TMEM114: variants seen among roughly 807,000 people sequenced by gnomAD.
TMEM114 encodes transmembrane protein 114.
In TMEM114, 6 loss-of-function variants were observed where a neutral mutation model predicts 6.2. That is an observed-to-expected ratio of 0.97 (90% confidence interval 0.53 to 1.91). The LOEUF is 1.91. TMEM114 is among the 40% of genes most tolerant of loss of function. The probability of loss-of-function intolerance (pLI) is 0.01; values close to 1 mark genes in which losing one functional copy is unlikely to be tolerated. For synonymous variants in TMEM114, 104 were observed against 73.0 expected (o/e 1.42, Z -2.16); for missense variants, 218 against 158.3 (o/e 1.38, Z -2.02).
intron 2 of TMEM114, among the ~76,000 whole-genome samples, chr16:8,588,923 T>C (rs1902398143): frequency 6.6e-6 from 1 of 152,228 alleles, no homozygotes; most frequent in Non-Finnish European, 1.5e-5. Context: ...CCAGCACCAC[T>C]GTGAGCCCCT....
intron 2 of TMEM114, among the ~76,000 whole-genome samples, chr16:8,547,463 G>A (rs147322209): frequency 0.02 from 2,957 of 149,906 alleles, 126 homozygotes; most frequent in East Asian, 0.15. Flanking sequence ...TGCAATTTCA[G>A]CTCACTACAA....
chr16:8,532,500 C>T, the TMEM114 span, among the ~76,000 whole-genome samples: 1 of 152,100 alleles, frequency 6.6e-6, no homozygotes, highest in Non-Finnish European at 1.5e-5. Flanking sequence ...TATCCAAGGC[C>T]ATGAAAGGTG....
chr16:8,585,494 G>A (rs796335965), intron 2 of TMEM114, among the ~76,000 whole-genome samples: 48 of 152,150 alleles, frequency 3.2e-4, no homozygotes, highest in Non-Finnish European at 8.8e-5. Flanking sequence ...GCTGCTTGTC[G>A]AACGTGCTGC....
the TMEM114 span, among the ~76,000 whole-genome samples, chr16:8,530,759 C>G: frequency 6.6e-6 from 1 of 151,990 alleles, no homozygotes; most frequent in Non-Finnish European, 1.5e-5. Context: ...CATTGTGGCT[C>G]ATGCTCATAA....
chr16:8,571,790 A>G (rs1901743262), intron 3 of TMEM114, among the ~76,000 whole-genome samples: 1 of 152,188 alleles, frequency 6.6e-6, no homozygotes, highest in African/African-American at 2.4e-5. Context: ...GCCAGCTCAC[A>G]GCCCTAAAGC....
chr16:8,539,181 G>A (rs1900447466), intron 2 of TMEM114, among the ~76,000 whole-genome samples: 1 of 152,128 alleles, frequency 6.6e-6, no homozygotes, highest in African/African-American at 2.4e-5. Context: ...TCTGCCTGGT[G>A]TGCGGTGCTG....
chr16:8,558,040 T>G (rs8053885), intron 2 of TMEM114, among the ~76,000 whole-genome samples: 56,324 of 151,638 alleles, frequency 0.37, 11,076 homozygotes, highest in East Asian at 0.52. Context: ...GATCACCTGA[T>G]GTCAGGAGCT....
intron 2 of TMEM114, among the ~76,000 whole-genome samples, chr16:8,552,856 T>C (rs1330396605): frequency 6.6e-6 from 1 of 152,194 alleles, no homozygotes; most frequent in Non-Finnish European, 1.5e-5. Flanking sequence ...CCTTGATCCT[T>C]GGGCTTAACA....
intron 2 of TMEM114, among the ~76,000 whole-genome samples, chr16:8,546,075 A>T (rs1244722947): frequency 6.6e-6 from 1 of 152,180 alleles, no homozygotes; most frequent in Non-Finnish European, 1.5e-5. Flanking sequence ...TGATCATGTC[A>T]CTGCACTCCA....
At chr16:8,552,611 G>A (rs1430385268) in intron 2 of TMEM114, among the ~76,000 whole-genome samples, 3 of 151,722 alleles carry the variant, frequency 2.0e-5, no homozygotes, top group Non-Finnish European at 4.4e-5. Flanking sequence ...TATGTAGGAT[G>A]TCACCACTGG....
rs1049277828 is a variant in TMEM114, at chr16:8,569,741, C to T, written c.*32G>A. Reference sequence around the variant, plus strand: ...GTCGGTGAAGCTCCGGGGCCAAGCCCCTCCCTCCCCTCCACGACCCAGCGC... The same window carrying T: ...GTCGGTGAAGCTCCGGGGCCAAGCCTCTCCCTCCCCTCCACGACCCAGCGC... On this transcript the variant is annotated 3_prime_UTR_variant, in exon 4 of 4. Transcript: ENST00000620492. The T allele has an allele frequency of 1.3e-6, 2 of 1,527,892 alleles. No homozygotes were observed. The highest frequency in any genetic ancestry group is 4.0e-5 in the Admixed American group (2 of 49,548). The allele number at this position is 1,527,892 out of a possible 1,614,324, so 94.6% of individuals were successfully genotyped here.
Position 8,572,199 on chromosome 16 carries a change from C to T in TMEM114, c.327G>A (p.Leu109=). The T allele has an allele frequency of 1.3e-6, 2 of 1,551,652 alleles. No homozygotes were observed. The highest frequency in any genetic ancestry group is 1.7e-6 in the Non-Finnish European group (2 of 1,146,982). The part of the protein sequence containing the change: ...LLTMHGTFVI[L]LPLSLILMVF... ...CCATCAGGATCAGGCTGAGCGGCAG[C>T]AGAATCACAAATGTCCCATGCATGG... The change falls in exon 3 of 4, where the codon CTG becomes CTA. Residue 109 remains leucine, a synonymous_variant. Transcript: ENST00000620492.
intron 2 of TMEM114, among the ~76,000 whole-genome samples, chr16:8,564,222 T>C (rs141054589): frequency 5.5e-5 from 3 of 54,344 alleles, no homozygotes; most frequent in African/African-American, 2.1e-4. Flanking sequence ...AGTGAGTTAG[T>C]GAATGAGTGA....
In TMEM114 at chr16:8,569,559, C is replaced by G. The variant is rs1015690516; in HGVS notation, c.*214G>C. 12 of 1,417,890 alleles carry G rather than the reference C, an allele frequency of 8.5e-6. No individual in the cohort carries two copies. Among genetic ancestry groups the G allele is most frequent in the African/African-American group, 1.4e-5 (1 of 69,424 alleles). The allele number at this position is 1,417,890 out of a possible 1,614,324, so 87.8% of individuals were successfully genotyped here. On this transcript the variant is annotated 3_prime_UTR_variant, in exon 4 of 4. Coordinates refer to ENST00000620492, the MANE Select transcript of TMEM114 (RefSeq NM_001146336.2). ...CGGTTTGGCACTCCCTCGGGCTCCTCCAGGCCACACGGACACACACGGACA... is the reference window on the plus strand; with the variant it reads ...CGGTTTGGCACTCCCTCGGGCTCCTGCAGGCCACACGGACACACACGGACA...
chr16:8,571,067 C>T (rs1901718692), intron 3 of TMEM114, among the ~76,000 whole-genome samples: 1 of 151,458 alleles, frequency 6.6e-6, no homozygotes, highest in Non-Finnish European at 1.5e-5. Flanking sequence ...TCCAGACATC[C>T]CTTTTGTTTT....
At chr16:8,552,131 T>G (rs867108784) in intron 2 of TMEM114, among the ~76,000 whole-genome samples, 31 of 151,848 alleles carry the variant, frequency 2.0e-4, no homozygotes, top group African/African-American at 6.5e-4. Context: ...TCCCAGCACT[T>G]TGGGAGGCTG....
intron 2 of TMEM114, among the ~76,000 whole-genome samples, chr16:8,564,179 G>C (rs1284382869): frequency 9.2e-5 from 14 of 151,540 alleles, no homozygotes; most frequent in Middle Eastern, 3.4e-3. Context: ...GTAAATGAGT[G>C]AGTGAGTGCA....
At chr16:8,539,039 T>A (rs1419827187) in intron 2 of TMEM114, among the ~76,000 whole-genome samples, 1 of 152,214 alleles carries the variant, frequency 6.6e-6, no homozygotes, top group East Asian at 1.9e-4. Context: ...TTTGAATGAA[T>A]AAATAAATTC....
intron 2 of TMEM114, among the ~76,000 whole-genome samples, chr16:8,541,709 C>T (rs761811478): frequency 1.8e-4 from 28 of 152,124 alleles, no homozygotes; most frequent in Non-Finnish European, 2.4e-4. Context: ...ATGAAAATTT[C>T]ATATTCTCCA....
Sources: allele counts gnomAD v4.1 joint callset (sites outside exome capture counted in the v4.1 genomes callset), GRCh38; gene constraint gnomAD v4.1.1; transcripts MANE v1.5; gene names NCBI Gene and HGNC (gene_info 2026-07-23, HGNC 2026-07-21).